Variants in STYXL2 observed in about 807,000 individuals in gnomAD.
The protein encoded by STYXL2 is serine/threonine/tyrosine interacting like 2.
STYXL2 carries 44 observed loss-of-function variants against 52.4 expected under a neutral mutation model. The observed-to-expected ratio is 0.84, with a 90% confidence interval of 0.66 to 1.08. The LOEUF (loss-of-function observed/expected upper bound fraction) is 1.08. STYXL2 is among the 50% of genes least tolerant of loss of function. STYXL2 has a pLI of 0.00. For missense variants in STYXL2, 1,604 were observed against 1,471.7 expected (o/e 1.09, Z -1.47); for synonymous variants, 604 against 586.9 (o/e 1.03, Z -0.42).
At position 167,126,710 on chromosome 1, in the gene STYXL2, G is replaced by A; in HGVS notation, c.1579G>A (p.Ala527Thr). 6.2e-7 allele frequency: 1 copy of A among 1,614,206 alleles called. No homozygotes were observed. The highest frequency in any genetic ancestry group is 8.5e-7 in the Non-Finnish European group (1 of 1,180,038). The change falls in exon 6 of 6, where the codon GCC (alanine) becomes ACC (threonine). Residue 527 changes from alanine (A) to threonine (T), a missense_variant. Coordinates refer to ENST00000361200, the MANE Select transcript of STYXL2 (RefSeq NM_001080426.3). ...TGATGAGGACAGCGTGGGCTCTGAGGCCAGTTCCTTCTACAACTTCTGCAG... is the reference window on the plus strand; with the variant it reads ...TGATGAGGACAGCGTGGGCTCTGAGACCAGTTCCTTCTACAACTTCTGCAG... ...EDDEDSVGSE[A>T]SSFYNFCSRN...
chr1:167,125,647 G>T, intron 5 of STYXL2, 140 bp from the exon 6 acceptor site: 1 of 1,289,686 alleles, frequency 7.8e-7, no homozygotes, highest in Non-Finnish European at 1.0e-6. Flanking sequence ...TGTGTCTTGA[G>T]CCCGGATGAA....
intron 2 of STYXL2, among the ~76,000 whole-genome samples, chr1:167,107,386 A>G (rs1017971526): frequency 4.6e-5 from 7 of 152,284 alleles, no homozygotes; most frequent in African/African-American, 1.7e-4. Flanking sequence ...AGTATCACAG[A>G]TCTGGGGTGA....
At chr1:167,097,648 A>C (rs561067212) in intron 2 of STYXL2, among the ~76,000 whole-genome samples, 35 of 152,218 alleles carry the variant, frequency 2.3e-4, no homozygotes, top group Middle Eastern at 3.4e-3. Flanking sequence ...AGAGAAAAAG[A>C]ATACAGAAAA....
At chr1:167,098,921 G>A (rs1390346925) in intron 2 of STYXL2, among the ~76,000 whole-genome samples, 1 of 152,170 alleles carries the variant, frequency 6.6e-6, no homozygotes, top group Non-Finnish European at 1.5e-5. Flanking sequence ...CACTTCTGCT[G>A]TACTCTGCTG....
chr1:167,119,753 A>G (rs1307117097), intron 5 of STYXL2, among the ~76,000 whole-genome samples: 1 of 152,202 alleles, frequency 6.6e-6, no homozygotes, highest in Non-Finnish European at 1.5e-5. Context: ...TGAAAAAAAG[A>G]GAAAAAAATG....
At chr1:167,102,000 C>T (rs1418616488) in intron 2 of STYXL2, among the ~76,000 whole-genome samples, 1 of 152,106 alleles carries the variant, frequency 6.6e-6, no homozygotes, top group Non-Finnish European at 1.5e-5. Flanking sequence ...CATACAACAA[C>T]ATGGATGAAT....
At chr1:167,112,533 C>G (rs1667641029) in intron 2 of STYXL2, among the ~76,000 whole-genome samples, 1 of 152,208 alleles carries the variant, frequency 6.6e-6, no homozygotes, top group Non-Finnish European at 1.5e-5. Context: ...TAAAGCATTT[C>G]TTAAGTACTT....
At chr1:167,119,838 C>A (rs2102241768) in intron 5 of STYXL2, among the ~76,000 whole-genome samples, 1 of 152,234 alleles carries the variant, frequency 6.6e-6, no homozygotes, top group East Asian at 1.9e-4. Flanking sequence ...CCTTGGAGAG[C>A]ATGGGGGAGG....
In STYXL2 at chr1:167,126,842, G is replaced by A. The variant is rs757874206; in HGVS notation, c.1711G>A (p.Gly571Ser). 13 of 1,614,150 alleles carry A rather than the reference G, an allele frequency of 8.1e-6. No individual in the cohort carries two copies. Among genetic ancestry groups the A allele is most frequent in the Middle Eastern group, 1.6e-4 (1 of 6,062 alleles). ...LGAGDSSGEP[G>S]AEEAVGEKNP... ...AGCGGGAGACAGCAGCGGTGAGCCC[G>A]GTGCAGAGGAGGCAGTAGGGGAGAA... The change falls in exon 6 of 6, where the codon GGT becomes AGT. Residue 571 changes from glycine (G) to serine (S), a missense_variant. Coordinates refer to ENST00000361200, the MANE Select transcript of STYXL2 (RefSeq NM_001080426.3).
At chr1:167,095,037 G>A in intron 2 of STYXL2, 78 bp downstream of exon 2, 1 of 1,054,376 alleles carries the variant, frequency 9.5e-7, no homozygotes, top group Non-Finnish European at 1.4e-6. Flanking sequence ...TAGCTCCAGG[G>A]AGCCTGCAGC....
In STYXL2 at chr1:167,127,435, C is replaced by T. The variant is rs145856876; in HGVS notation, c.2304C>T (p.Val768=). 2.7e-5 allele frequency: 44 copies of T among 1,614,136 alleles called. No homozygotes were observed. The Middle Eastern group carries it at 8.2e-4, about 30-fold the overall frequency. Residue 768 remains valine, a synonymous_variant, in exon 6 of 6, where the codon GTC becomes GTT. Transcript: ENST00000361200. ...CTAGCTGCCTGGGGGATGACCAAGTCTCCATGCTTAGTGGACACAGCAGCT... is the reference window on the plus strand; with the variant it reads ...CTAGCTGCCTGGGGGATGACCAAGTTTCCATGCTTAGTGGACACAGCAGCT... ...PAASCLGDDQ[V]SMLSGHSSSS...
intron 5 of STYXL2, among the ~76,000 whole-genome samples, chr1:167,120,872 A>G: frequency 1.1e-5 from 1 of 89,332 alleles, no homozygotes; most frequent in African/African-American, 3.4e-5. Context: ...ATATATATAT[A>G]TATATATATA....
chr1:167,095,567 G>A (rs1042026767), intron 2 of STYXL2, among the ~76,000 whole-genome samples: 4 of 151,938 alleles, frequency 2.6e-5, no homozygotes, highest in Non-Finnish European at 5.9e-5. Flanking sequence ...AATCATCGAC[G>A]TTATGTTATC....
intron 5 of STYXL2, among the ~76,000 whole-genome samples, chr1:167,125,230 G>A (rs1667937764): frequency 6.6e-6 from 1 of 152,096 alleles, no homozygotes. Flanking sequence ...CCTAACATAT[G>A]AAAAAAATTT....
Position 167,128,449 on chromosome 1 carries a change from C to T in STYXL2, c.3318C>T (p.Asn1106=), listed in dbSNP as rs373691336. ...AGGGAGAGAAAGAGAGGACAGAAAA[C>T]AGAGAAGAAGGGAGGTTTGCATCTG... ...EEEGEKERTE[N]REEGRFASGR... is the part of the protein sequence containing the mutation. Residue 1106 remains asparagine (N), a synonymous_variant, in exon 6 of 6, where the codon AAC becomes AAT. Transcript: ENST00000361200. The T allele has an allele frequency of 1.4e-5, 23 of 1,613,928 alleles. No individual in the cohort carries two copies. Among genetic ancestry groups the T allele is most frequent in the Non-Finnish European group, 1.8e-5 (21 of 1,180,024 alleles).
chr1:167,121,945 C>G (rs1667864991), intron 5 of STYXL2, among the ~76,000 whole-genome samples: 1 of 152,202 alleles, frequency 6.6e-6, no homozygotes, highest in Non-Finnish European at 1.5e-5. Flanking sequence ...TAGAATTACT[C>G]CCTGAGCCTT....
At position 167,128,621 on chromosome 1, in the gene STYXL2, C is replaced by A; in HGVS notation, c.*13C>A. 6.3e-7 allele frequency: 1 copy of A among 1,599,672 alleles called. No homozygotes were observed. On this transcript the variant is annotated 3_prime_UTR_variant, in exon 6 of 6. Coordinates refer to ENST00000361200, the MANE Select transcript of STYXL2 (RefSeq NM_001080426.3). The stretch of plus-strand genomic sequence containing the variant: ...GAGGGAGGACTGAGCTGGGGAAAAT[C>A]TGAGAACACTGAAAGAAACCACTCA...
chr1:167,105,402 T>C (rs138772869), intron 2 of STYXL2, among the ~76,000 whole-genome samples: 1 of 152,328 alleles, frequency 6.6e-6, no homozygotes, highest in Non-Finnish European at 1.5e-5. Context: ...TGATGAGGTA[T>C]GTATCGATCC....
chr1:167,105,480 G>A (rs1353941266), intron 2 of STYXL2, among the ~76,000 whole-genome samples: 1 of 152,104 alleles, frequency 6.6e-6, no homozygotes, highest in Non-Finnish European at 1.5e-5. Context: ...ATCAGGGTGT[G>A]AGTGTCATCT....
Sources: allele counts gnomAD v4.1 joint callset (sites outside exome capture counted in the v4.1 genomes callset), GRCh38; gene constraint gnomAD v4.1.1; transcripts MANE v1.5; gene names NCBI Gene and HGNC (gene_info 2026-07-23, HGNC 2026-07-21).